Variants in APBB1IP observed in about 807,000 individuals in gnomAD.
APBB1IP encodes amyloid beta precursor protein binding family B member 1 interacting protein.
APBB1IP carries 27 observed loss-of-function variants against 64.9 expected under a neutral mutation model. The observed-to-expected ratio is 0.42, with a 90% CI of 0.31 to 0.57. The LOEUF is 0.57. Among genes scored for constraint, APBB1IP ranks in the 20% least tolerant of loss-of-function variants. The pLI is 0.20. For synonymous variants in APBB1IP, 392 were observed against 331.0 expected (o/e 1.18, Z -2.00); for missense variants, 812 against 845.5 (o/e 0.96, Z 0.49).
rs1836621140 is a variant in APBB1IP at position 26,536,200 on chromosome 10, C to G, written c.1027C>G (p.Pro343Ala). The G allele has an allele frequency of 6.4e-7, 1 of 1,571,256 alleles. No homozygotes were observed. ...LLRASGIYYVPKGKTKTSRDL... is the reference protein window; with the variant it reads ...LLRASGIYYVAKGKTKTSRDL... ...ACGGGCTTCTGGAATTTATTATGTA[C>G]CCAAAGGAAAGACTAAGGTCAGAAA... is the stretch of plus-strand genomic sequence containing the variant. Residue 343 changes from proline (P) to alanine (A), a missense_variant, in exon 10 of 15, where the codon CCC (proline) becomes GCC (alanine). Transcript: ENST00000376236.
In APBB1IP at chr10:26,456,680, G is replaced by A. The variant is rs79610409; in HGVS notation, c.-1+17827G>A. Among the ~76,000 whole-genome samples, 428 of 141,900 alleles carry A rather than the reference G, an allele frequency of 3.0e-3. 4 individuals carry two copies. The highest frequency in any genetic ancestry group is 5.4e-3 in the Non-Finnish European group (360 of 66,698). The allele number at this position is 141,900 out of a possible 152,430, so 93.1% of individuals were successfully genotyped here. A position where few individuals can be genotyped will look rare whatever the true frequency, so the allele number is the denominator to read the frequency against. ...CTTTTGTCCAGGAGGTTGAGACTGCGATGAGCCGTGATCATGCCACCGCAC... is the reference window on the plus strand; with the variant it reads ...CTTTTGTCCAGGAGGTTGAGACTGCAATGAGCCGTGATCATGCCACCGCAC... On this transcript the variant is annotated intron_variant, in intron 2 of 14. Coordinates refer to ENST00000376236, the MANE Select transcript of APBB1IP (RefSeq NM_019043.4).
At chr10:26,531,668 A>G (rs1012570306) in intron 8 of APBB1IP, among the ~76,000 whole-genome samples, 1 of 148,576 alleles carries the variant, frequency 6.7e-6, no homozygotes, top group Non-Finnish European at 1.5e-5. Flanking sequence ...CCCCGTCTCA[A>G]AAAAAAAAAA....
At chr10:26,458,707 A>C (rs12269222) in intron 2 of APBB1IP, among the ~76,000 whole-genome samples, 4,672 of 152,244 alleles carry the variant, frequency 0.031, 229 homozygotes, top group African/African-American at 0.11. Context: ...AATTAAGGCC[A>C]TATTTCACTT....
intron 2 of APBB1IP, among the ~76,000 whole-genome samples, chr10:26,482,771 T>C (rs981589184): frequency 1.3e-5 from 2 of 152,010 alleles, no homozygotes; most frequent in African/African-American, 4.8e-5. Context: ...TCTATTTTAG[T>C]TTTGGCAATC....
At chr10:26,495,966 A>AT (rs1836018073) in intron 3 of APBB1IP, among the ~76,000 whole-genome samples, 1 of 142,208 alleles carries the variant, frequency 7.0e-6, no homozygotes, top group African/African-American at 2.6e-5. Flanking sequence ...ATATATATTT[A>AT]ATATATATAA....
At position 26,533,350 on chromosome 10, in the gene APBB1IP, ATCT is replaced by A. The variant is rs2132463095; in HGVS notation, c.814-84_814-82del. ...TCCCTGTTTGTTTCACACACTTAAC[ATCT>A]TCTTTCCAGCAAGACTGTGAGTTCC... On this transcript the variant is annotated intron_variant, in intron 8 of 14. Coordinates refer to ENST00000376236, the MANE Select transcript of APBB1IP (RefSeq NM_019043.4). 8.3e-6 allele frequency: 6 copies of A among 720,680 alleles called. No homozygotes were observed. In the East Asian group the frequency reaches 1.6e-4, roughly 19 times the overall value. The allele number at this position is 720,680 out of a possible 1,614,324, so 44.6% of individuals were successfully genotyped here.
At chr10:26,558,375 A>G (rs1056694630) in intron 11 of APBB1IP, among the ~76,000 whole-genome samples, 2 of 152,156 alleles carry the variant, frequency 1.3e-5, no homozygotes, top group Admixed American at 6.5e-5. Flanking sequence ...TCTGGACTGG[A>G]ATACCTGCCA....
At chr10:26,525,215 G>A (rs1175314795) in intron 8 of APBB1IP, among the ~76,000 whole-genome samples, 7 of 151,936 alleles carry the variant, frequency 4.6e-5, no homozygotes, top group Non-Finnish European at 4.4e-5. Context: ...CTAGAAGGTC[G>A]AGGCTGCAGT....
intron 11 of APBB1IP, among the ~76,000 whole-genome samples, chr10:26,555,195 G>C (rs1269318150): frequency 6.6e-6 from 1 of 152,120 alleles, no homozygotes; most frequent in Non-Finnish European, 1.5e-5. Flanking sequence ...CTTCACTCCA[G>C]ATCCATCTTC....
At chr10:26,519,289 C>A (rs1280482448) in intron 8 of APBB1IP, among the ~76,000 whole-genome samples, 1 of 151,980 alleles carries the variant, frequency 6.6e-6, no homozygotes. Context: ...AAAACTCCAT[C>A]TCAAAAAGAA....
chr10:26,501,306 T>C, intron 5 of APBB1IP, 195 bp downstream of exon 5: 1 of 653,368 alleles, frequency 1.5e-6, no homozygotes, highest in Non-Finnish European at 2.5e-6. Flanking sequence ...ATCAAGAATG[T>C]ATTAGGGCCA....
At chr10:26,483,858 G>A (rs915532608) in intron 2 of APBB1IP, among the ~76,000 whole-genome samples, 1 of 152,102 alleles carries the variant, frequency 6.6e-6, no homozygotes, top group Admixed American at 6.6e-5. Flanking sequence ...GACTACAGGC[G>A]CATGCCAATA....
At chr10:26,468,009 C>T (rs1374047372) in intron 2 of APBB1IP, among the ~76,000 whole-genome samples, 2 of 152,170 alleles carry the variant, frequency 1.3e-5, no homozygotes, top group African/African-American at 4.8e-5. Flanking sequence ...GCACTTTGCA[C>T]CCATTATTTT....
rs372407181 is a variant in APBB1IP, at chr10:26,464,614, GC to G, written c.-1+25764del. 1.0e-3 allele frequency among the ~76,000 whole-genome samples: 158 copies of G among 152,150 alleles called. 1 individual carries two copies. The East Asian group carries it at 0.025, about 24-fold the overall frequency. ...TGTGGAGACAGGTTCTTGTTGTGTT[GC>G]CCAGGCTGGTCTCAAACTCCTGGCC... On this transcript the variant is annotated intron_variant, in intron 2 of 14. Coordinates refer to ENST00000376236, the MANE Select transcript of APBB1IP (RefSeq NM_019043.4).
chr10:26,506,328 G>A (rs1042654145), intron 6 of APBB1IP, among the ~76,000 whole-genome samples: 4 of 150,638 alleles, frequency 2.7e-5, no homozygotes, highest in Non-Finnish European at 5.9e-5. Flanking sequence ...GCTCACTGAA[G>A]CCTCAAATTC....
At chr10:26,478,614 CA>C (rs35115510) in intron 2 of APBB1IP, among the ~76,000 whole-genome samples, 2,009 of 125,116 alleles carry the variant, frequency 0.016, 29 homozygotes, top group African/African-American at 0.06. Flanking sequence ...GACTCCGTCT[CA>C]AAAAAAAAAA....
chr10:26,560,999 G>A (rs1836961303), intron 13 of APBB1IP, among the ~76,000 whole-genome samples, 155 bp downstream of exon 13: 1 of 148,682 alleles, frequency 6.7e-6, no homozygotes, highest in South Asian at 2.1e-4. Flanking sequence ...ACTCAGCCCA[G>A]CCCTCACACA....
chr10:26,509,534 C>T (rs11015141), intron 6 of APBB1IP: 20,598 of 152,208 alleles, frequency 0.14, 1,691 homozygotes, highest in East Asian at 0.29. Flanking sequence ...GAACCATCTA[C>T]AGGAACTACA....
chr10:26,473,771 G>A (rs1396654421), intron 2 of APBB1IP, among the ~76,000 whole-genome samples: 2 of 152,142 alleles, frequency 1.3e-5, no homozygotes, highest in African/African-American at 2.4e-5. Context: ...GGAGGCCGAG[G>A]TGGGCAGATC....
Sources: allele counts gnomAD v4.1 joint callset (sites outside exome capture counted in the v4.1 genomes callset), GRCh38; gene constraint gnomAD v4.1.1; transcripts MANE v1.5; gene names NCBI Gene and HGNC (gene_info 2026-07-23, HGNC 2026-07-21).